Variants in CHN2 observed in about 807,000 individuals in gnomAD.
CHN2 encodes the protein beta-chimaerin.
In CHN2, 35 loss-of-function variants were observed where a neutral mutation model predicts 56.3. That is an observed-to-expected ratio of 0.62 (90% confidence interval 0.47 to 0.82). The LOEUF (loss-of-function observed/expected upper bound fraction) is 0.82, where lower values mean the gene tolerates loss of function less well. Ranked by LOEUF, CHN2 falls within the 40% of genes least tolerant of loss-of-function variation. The pLI, the probability that CHN2 is intolerant of heterozygous loss-of-function variation, is 0.00. For synonymous variants in CHN2, 210 were observed against 212.8 expected (o/e 0.99, Z 0.12); for missense variants, 491 against 580.5 (o/e 0.85, Z 1.58).
intron 1 of CHN2, among the ~76,000 whole-genome samples, chr7:29,301,705 G>A (rs564161666): frequency 6.6e-5 from 10 of 152,090 alleles, no homozygotes; most frequent in East Asian, 3.9e-4. Flanking sequence ...CTCACCCTAC[G>A]TAATCTTAAA....
intron 6 of CHN2, among the ~76,000 whole-genome samples, chr7:29,448,261 G>GTT (rs535595802): frequency 1.3e-4 from 20 of 148,270 alleles, no homozygotes; most frequent in Non-Finnish European, 1.5e-5. Flanking sequence ...AACTTTCTGG[G>GTT]TTTTTTTTTT....
intron 2 of CHN2, among the ~76,000 whole-genome samples, chr7:29,363,031 C>T (rs554202980): frequency 8.7e-4 from 132 of 152,330 alleles, no homozygotes; most frequent in African/African-American, 2.9e-3. Flanking sequence ...GATTCTCTCG[C>T]TGTGGATTCT....
rs149292171 is a variant in CHN2, at chr7:29,495,939, T to C, written c.655-13T>C. On this transcript the variant is annotated splice_polypyrimidine_tract_variant and intron_variant, in intron 7 of 12. Transcript: ENST00000222792. Reference sequence around the variant, plus strand: ...CTGAGCTTTCTGACATTTTTCTTCTTTTTGGATCACAGGTCCACACGTTCC... The same window carrying C: ...CTGAGCTTTCTGACATTTTTCTTCTCTTTGGATCACAGGTCCACACGTTCC... 8.3e-4 allele frequency: 1,333 copies of C among 1,611,740 alleles called. 6 individuals carry two copies. In the African/African-American group the frequency reaches 0.013, roughly 16 times the overall value.
At chr7:29,334,990 A>T (rs2128907809) in intron 1 of CHN2, among the ~76,000 whole-genome samples, 1 of 152,348 alleles carries the variant, frequency 6.6e-6, no homozygotes, top group African/African-American at 2.4e-5. Context: ...GTGTTGAGAG[A>T]TAAGTTATCT....
At chr7:29,344,002 A>G (rs951471755) in intron 1 of CHN2, among the ~76,000 whole-genome samples, 19 of 152,236 alleles carry the variant, frequency 1.2e-4, no homozygotes, top group African/African-American at 3.1e-4. Flanking sequence ...TGGCATCACT[A>G]CCCATCCAGA....
At chr7:29,349,275 T>C (rs992994548) in intron 1 of CHN2, among the ~76,000 whole-genome samples, 2 of 152,208 alleles carry the variant, frequency 1.3e-5, no homozygotes, top group African/African-American at 4.8e-5. Context: ...GTGAAACATA[T>C]TTGTGATTTT....
At chr7:29,334,300 C>T (rs1476475058) in intron 1 of CHN2, among the ~76,000 whole-genome samples, 2 of 152,074 alleles carry the variant, frequency 1.3e-5, no homozygotes, top group Non-Finnish European at 2.9e-5. Flanking sequence ...ATCCACTCGC[C>T]TTGGCCTCCC....
At chr7:29,503,223 G>C (rs1790168105) in intron 9 of CHN2, among the ~76,000 whole-genome samples, 1 of 152,194 alleles carries the variant, frequency 6.6e-6, no homozygotes, top group Non-Finnish European at 1.5e-5. Flanking sequence ...TATGAGAAGA[G>C]ACACCAAAGA....
intron 1 of CHN2, among the ~76,000 whole-genome samples, chr7:29,341,196 C>G (rs766183622): frequency 5.5e-4 from 84 of 152,176 alleles, no homozygotes; most frequent in Non-Finnish European, 1.0e-3. Flanking sequence ...CATCCTTCCC[C>G]TCTCTAGAGC....
chr7:29,216,931 G>A (rs1487766218), intron 1 of CHN2, among the ~76,000 whole-genome samples: 4 of 152,208 alleles, frequency 2.6e-5, no homozygotes, highest in Admixed American at 2.0e-4. Context: ...TGAAGATGGT[G>A]TTAAGCTTTT....
At chr7:29,390,378 C>T (rs1428005534) in intron 3 of CHN2, among the ~76,000 whole-genome samples, 5 of 152,220 alleles carry the variant, frequency 3.3e-5, no homozygotes, top group Non-Finnish European at 5.9e-5. Flanking sequence ...CAGTCCTACT[C>T]ACAAAGGCCA....
chr7:29,342,869 G>A (rs1015607745), intron 1 of CHN2, among the ~76,000 whole-genome samples: 9 of 152,176 alleles, frequency 5.9e-5, no homozygotes, highest in African/African-American at 2.2e-4. Context: ...GTGCTCATTG[G>A]ATGAATGAAT....
At chr7:29,376,336 A>C (rs1165767777) in intron 3 of CHN2, 3 of 152,150 alleles carry the variant, frequency 2.0e-5, no homozygotes, top group Non-Finnish European at 2.9e-5. Context: ...TTTACACAGG[A>C]GGAAATGAGA....
intron 6 of CHN2, among the ~76,000 whole-genome samples, chr7:29,406,483 A>G (rs751765294): frequency 6.6e-6 from 1 of 152,092 alleles, no homozygotes; most frequent in African/African-American, 2.4e-5. Context: ...TGCCATGGGC[A>G]TCCCTGGCAG....
At chr7:29,440,798 G>A (rs914461657) in intron 6 of CHN2, among the ~76,000 whole-genome samples, 9 of 151,516 alleles carry the variant, frequency 5.9e-5, no homozygotes, top group South Asian at 4.2e-4. Context: ...ATCCAAACCC[G>A]TCATCAAAAT....
At chr7:29,172,625 T>A (rs1796749871) in intron 2 of CHN2, among the ~76,000 whole-genome samples, 1 of 152,194 alleles carries the variant, frequency 6.6e-6, no homozygotes, top group Non-Finnish European at 1.5e-5. Flanking sequence ...CTTAGTAAAG[T>A]CCATCTTTGA....
intron 6 of CHN2, among the ~76,000 whole-genome samples, chr7:29,472,674 G>C (rs549706883): frequency 6.6e-6 from 1 of 151,804 alleles, no homozygotes. Context: ...GCTGAAAAAT[G>C]GGCATGTTTT....
At chr7:29,225,622 C>G (rs1786130755) in intron 1 of CHN2, among the ~76,000 whole-genome samples, 1 of 152,162 alleles carries the variant, frequency 6.6e-6, no homozygotes, top group Non-Finnish European at 1.5e-5. Flanking sequence ...CTCTTCGTTT[C>G]CTATCCTGGT....
Position 29,400,819 on chromosome 7 carries a change from G to C in CHN2, c.567G>C (p.Ala189=). 6.2e-7 allele frequency: 1 copy of C among 1,613,184 alleles called. No individual in the cohort carries two copies. Among genetic ancestry groups the C allele is most frequent in the Non-Finnish European group, 8.5e-7 (1 of 1,179,666 alleles). ...KTNVTHEEHT[A]VEKISSLVRR... is the part of the protein sequence containing the mutation. ...ACGTCACACATGAAGAACACACAGCGGTGGAAAAGGTGAGCTGTGTGTGAT... is the reference window on the plus strand; with the variant it reads ...ACGTCACACATGAAGAACACACAGCCGTGGAAAAGGTGAGCTGTGTGTGAT... Residue 189 remains alanine, a synonymous_variant, in exon 6 of 13, where the codon GCG becomes GCC. Coordinates refer to ENST00000222792, the MANE Select transcript of CHN2 (RefSeq NM_004067.4).
Sources: gnomAD v4.1 joint callset for allele counts (sites outside exome capture counted in the v4.1 genomes callset) on GRCh38, gnomAD v4.1.1 for gene constraint, MANE v1.5 for transcripts, NCBI Gene and HGNC (gene_info 2026-07-23, HGNC 2026-07-21) for gene names.